CCDC90B: variants seen among roughly 807,000 people sequenced by gnomAD.
CCDC90B encodes coiled-coil domain containing 90B, also known as coiled-coil domain-containing protein 90B, mitochondrial.
A neutral mutation model predicts 37.0 loss-of-function variants in CCDC90B; 24 were observed. The observed-to-expected ratio is 0.65, with a 90% confidence interval of 0.47 to 0.91. The LOEUF (loss-of-function observed/expected upper bound fraction) is 0.91. CCDC90B is among the 40% of genes least tolerant of loss of function. CCDC90B has a pLI of 0.00. For synonymous variants in CCDC90B, 113 were observed against 101.1 expected (o/e 1.12, Z -0.71); for missense variants, 319 against 299.0 (o/e 1.07, Z -0.49).
rs1332178776 is a variant in CCDC90B, at chr11:83,286,159, C to A, written c.-187G>T. 1 of 1,536,052 alleles carries A rather than the reference C, an allele frequency of 6.5e-7. No homozygotes were observed. The highest frequency in any genetic ancestry group is 2.0e-5 in the Admixed American group (1 of 50,992). On this transcript the variant is annotated 5_prime_UTR_variant, in exon 1 of 9. Coordinates refer to ENST00000529689, the MANE Select transcript of CCDC90B (RefSeq NM_021825.5). ...CTGGGTCTCTTCACAGACAGACCCACAGTTCGCGAGCATGGCTCAGCGCTG... is the reference window on the plus strand; with the variant it reads ...CTGGGTCTCTTCACAGACAGACCCAAAGTTCGCGAGCATGGCTCAGCGCTG...
chr11:83,268,431 A>C (rs1565210092), intron 7 of CCDC90B, among the ~76,000 whole-genome samples: 1 of 24,918 alleles, frequency 4.0e-5, no homozygotes, highest in Non-Finnish European at 1.0e-4. Flanking sequence ...ATGGAAAGCA[A>C]AAAAAAAAAA....
chr11:83,274,117 G>A (rs1864873580), intron 4 of CCDC90B, 125 bp from the exon 5 acceptor site: 5 of 580,264 alleles, frequency 8.6e-6, no homozygotes, highest in Admixed American at 8.7e-5. Context: ...GAATTGATAA[G>A]GAAAAAAATC....
chr11:83,278,846 G>C lies in CCDC90B; in HGVS notation c.221-17C>G. ...TGTCAAATCCTGTAGGCAGCAAATA[G>C]GTATTTTATTTTTTTTAAAGTGTAT... On this transcript the variant is annotated splice_polypyrimidine_tract_variant and intron_variant, in intron 2 of 8. Coordinates refer to ENST00000529689, the MANE Select transcript of CCDC90B (RefSeq NM_021825.5). 1 of 1,527,190 alleles carries C rather than the reference G, an allele frequency of 6.5e-7. No individual in the cohort carries two copies. Among genetic ancestry groups the C allele is most frequent in the Non-Finnish European group, 9.1e-7 (1 of 1,102,264 alleles). The allele number at this position is 1,527,190 out of a possible 1,614,324, so 94.6% of individuals were successfully genotyped here.
intron 7 of CCDC90B, chr11:83,273,171 T>A (rs1256018416): frequency 2.6e-5 from 4 of 152,172 alleles, no homozygotes; most frequent in African/African-American, 9.7e-5. Flanking sequence ...AGATAATTAT[T>A]TAACTGAACC....
chr11:83,266,244 T>C (rs189473528), intron 7 of CCDC90B, among the ~76,000 whole-genome samples: 80 of 152,238 alleles, frequency 5.3e-4, no homozygotes, highest in African/African-American at 1.8e-3. Flanking sequence ...GTTCATCTCA[T>C]TGGGACTGGT....
chr11:83,286,238 GA>G lies in CCDC90B; in HGVS notation c.-267del. ...CCTTTGAACGCCTTCACCGCCCTAGGAAAGCGAGATCTTGTCAGAGAACCTT... is the reference window on the plus strand; with the variant it reads ...CCTTTGAACGCCTTCACCGCCCTAGGAAGCGAGATCTTGTCAGAGAACCTT... On this transcript the variant is annotated 5_prime_UTR_variant, in exon 1 of 9. The change abolishes the stop of an existing upstream ORF in the 5' untranslated region. Coordinates refer to ENST00000529689, the MANE Select transcript of CCDC90B (RefSeq NM_021825.5). The G allele has an allele frequency of 1.3e-6, 2 of 1,497,042 alleles. No individual in the cohort carries two copies. The highest frequency in any genetic ancestry group is 9.0e-7 in the Non-Finnish European group (1 of 1,115,006). 92.7% of individuals were successfully genotyped at this position (1,497,042 alleles called of 1,614,324 possible). A position where few individuals can be genotyped will look rare whatever the true frequency, so the allele number is the denominator to read the frequency against.
chr11:83,286,118 C>T lies in CCDC90B; in HGVS notation c.-146G>A. 1 of 1,536,442 alleles carries T rather than the reference C, an allele frequency of 6.5e-7. No individual in the cohort carries two copies. The highest frequency in any genetic ancestry group is 8.7e-7 in the Non-Finnish European group (1 of 1,146,920). On this transcript the variant is annotated 5_prime_UTR_variant, in exon 1 of 9. The change creates a new upstream start codon in the 5' untranslated region. Coordinates refer to ENST00000529689, the MANE Select transcript of CCDC90B (RefSeq NM_021825.5). The stretch of plus-strand genomic sequence containing the variant: ...AGCTCACCTCCCAGCGCAGGCGCCA[C>T]CGTGGTCCCACGAAACTGGGTCTCT...
At chr11:83,266,056 C>G (rs1339989253) in intron 7 of CCDC90B, 77 bp from the exon 8 acceptor site, 4 of 737,810 alleles carry the variant, frequency 5.4e-6, no homozygotes, top group East Asian at 5.1e-5. Flanking sequence ...ATTATAAACC[C>G]TCACTTATGG....
chr11:83,270,329 G>A (rs760018526), intron 7 of CCDC90B, among the ~76,000 whole-genome samples: 1 of 151,972 alleles, frequency 6.6e-6, no homozygotes, highest in East Asian at 1.9e-4. Flanking sequence ...AGAAATAAAG[G>A]GTATTCAATT....
At chr11:83,264,857 A>G (rs1864153533) in intron 8 of CCDC90B, among the ~76,000 whole-genome samples, 1 of 151,146 alleles carries the variant, frequency 6.6e-6, no homozygotes, top group East Asian at 1.9e-4. Flanking sequence ...CTATCACAAG[A>G]ACAAAAAACC....
At position 83,259,314 on chromosome 11, in the gene CCDC90B, A is replaced by G. The variant is rs1863833083; in HGVS notation, c.*2597T>C. The G allele has an allele frequency of 6.6e-6, 1 of 152,184 alleles. No homozygotes were observed. Among genetic ancestry groups the G allele is most frequent in the Non-Finnish European group, 1.5e-5 (1 of 68,036 alleles). The allele number at this position is 152,184 out of a possible 1,614,324, so 9.4% of individuals were successfully genotyped here. On this transcript the variant is annotated 3_prime_UTR_variant, in exon 9 of 9. Coordinates refer to ENST00000529689, the MANE Select transcript of CCDC90B (RefSeq NM_021825.5). ...ATTTCCATCACTGAAACAAAAATTTACCTGAACCCCAGAACCACCATCAAA... is the reference window on the plus strand; with the variant it reads ...ATTTCCATCACTGAAACAAAAATTTGCCTGAACCCCAGAACCACCATCAAA...
chr11:83,276,815 T>C (rs1030931355), intron 3 of CCDC90B, among the ~76,000 whole-genome samples: 1 of 152,354 alleles, frequency 6.6e-6, no homozygotes, highest in Non-Finnish European at 1.5e-5. Context: ...TAAACTACTA[T>C]GGAGCCATCA....
Position 83,274,615 on chromosome 11 carries a change from G to A in CCDC90B, c.426+24C>T, listed in dbSNP as rs180804147. ...TATTATGAGATCAGTTATTTTATAA[G>A]TAATAAATTAAAATTTGTATCACCT... On this transcript the variant is annotated intron_variant, in intron 4 of 8. Transcript: ENST00000529689. 3.9e-3 allele frequency: 5,441 copies of A among 1,377,506 alleles called. 15 individuals are homozygous for A. Among genetic ancestry groups the A allele is most frequent in the Middle Eastern group, 5.3e-3 (22 of 4,114 alleles). 85.3% of individuals were successfully genotyped at this position (1,377,506 alleles called of 1,614,324 possible).
At chr11:83,267,298 C>A (rs1487090765) in intron 7 of CCDC90B, 1 of 152,162 alleles carries the variant, frequency 6.6e-6, no homozygotes, top group African/African-American at 2.4e-5. Flanking sequence ...TTCACAAGGT[C>A]GGTAATAACA....
chr11:83,270,683 T>C (rs1022553124), intron 7 of CCDC90B, among the ~76,000 whole-genome samples: 3 of 152,208 alleles, frequency 2.0e-5, no homozygotes, highest in Non-Finnish European at 2.9e-5. Flanking sequence ...TCCATGCTCA[T>C]GGATAGGAAG....
chr11:83,263,378 T>C (rs1428530954), intron 8 of CCDC90B, among the ~76,000 whole-genome samples: 9 of 152,228 alleles, frequency 5.9e-5, no homozygotes, highest in South Asian at 4.1e-4. Context: ...ATGGCTGTTG[T>C]TGCAGTAACA....
At position 83,276,050 on chromosome 11, in the gene CCDC90B, A is replaced by G. The variant is rs531617128; in HGVS notation, c.325-1310T>C. ...GAAGTTTGGACTTCTTATAATACAT[A>G]AAAGTTTTTAACTGTGTACAACAGA... On this transcript the variant is annotated intron_variant, in intron 3 of 8. Coordinates refer to ENST00000529689, the MANE Select transcript of CCDC90B (RefSeq NM_021825.5). Among the ~76,000 whole-genome samples, 3 of 152,332 alleles carry G rather than the reference A, an allele frequency of 2.0e-5. No individual in the cohort carries two copies. In the South Asian group the frequency reaches 6.2e-4, roughly 32 times the overall value.
intron 8 of CCDC90B, among the ~76,000 whole-genome samples, 195 bp downstream of exon 8, chr11:83,265,670 A>T (rs1167233345): frequency 6.6e-6 from 1 of 152,182 alleles, no homozygotes; most frequent in African/African-American, 2.4e-5. Context: ...AATTATAAGT[A>T]TTAAAAATAA....
At chr11:83,283,219 T>A (rs1865496200) in intron 1 of CCDC90B, among the ~76,000 whole-genome samples, 1 of 152,350 alleles carries the variant, frequency 6.6e-6, no homozygotes, top group Non-Finnish European at 1.5e-5. Context: ...TGGCATTATG[T>A]ATACACAATG....
Sources: allele counts gnomAD v4.1 joint callset (sites outside exome capture counted in the v4.1 genomes callset), GRCh38; gene constraint gnomAD v4.1.1; transcripts MANE v1.5; gene names NCBI Gene and HGNC (gene_info 2026-07-23, HGNC 2026-07-21).